Variants in SLC22A24 observed in about 807,000 individuals in gnomAD.
The protein encoded by SLC22A24 is steroid transmembrane transporter SLC22A24.
A neutral mutation model predicts 49.8 loss-of-function variants in SLC22A24; 53 were observed. That is an observed-to-expected ratio of 1.06 (90% CI 0.85 to 1.34). The LOEUF (loss-of-function observed/expected upper bound fraction) is 1.34, where lower values mean the gene tolerates loss of function less well. SLC22A24 is among the 40% of genes most tolerant of loss of function. The pLI, the probability that SLC22A24 is intolerant of heterozygous loss-of-function variation, is 0.00. For synonymous variants in SLC22A24, 302 were observed against 256.4 expected (o/e 1.18, Z -1.70); for missense variants, 786 against 675.9 (o/e 1.16, Z -1.81).
chr11:63,139,316 C>T (rs369665673), intron 1 of SLC22A24, among the ~76,000 whole-genome samples: 6 of 152,072 alleles, frequency 3.9e-5, no homozygotes, highest in African/African-American at 1.2e-4. Context: ...CTCATGAAAC[C>T]CCAGGAATTA....
chr11:63,104,274 C>G lies in SLC22A24; in HGVS notation c.855G>C (p.Trp285Cys), dbSNP rs779428039. 70 of 1,550,102 alleles carry G rather than the reference C, an allele frequency of 4.5e-5. No homozygotes were observed. Among genetic ancestry groups the G allele is most frequent in the Non-Finnish European group, 5.1e-5 (59 of 1,146,732 alleles). The change falls in exon 5 of 10, where the codon TGG (tryptophan) becomes TGC (cysteine). Residue 285 changes from tryptophan to cysteine, a missense_variant. Transcript: ENST00000612278. The part of the protein sequence containing the change: ...SSWKMVESAR[W>C]LIINNQLDEG... ...CATCTAGCTGATTGTTGATAATCAG[C>G]CACCGAGCAGACTCCACCATCTTCC...
intron 2 of SLC22A24, among the ~76,000 whole-genome samples, chr11:63,122,566 G>A (rs1590745122): frequency 6.6e-6 from 1 of 152,180 alleles, no homozygotes; most frequent in Non-Finnish European, 1.5e-5. Context: ...CCAGGCTGGA[G>A]TGCGGTGGTG....
At chr11:63,127,669 T>A (rs1398000465) in intron 2 of SLC22A24, among the ~76,000 whole-genome samples, 1 of 152,216 alleles carries the variant, frequency 6.6e-6, no homozygotes, top group Non-Finnish European at 1.5e-5. Flanking sequence ...ATCACTGCCA[T>A]TCTAGCTGGT....
intron 1 of SLC22A24, among the ~76,000 whole-genome samples, chr11:63,139,487 T>C (rs1239364062): frequency 6.6e-6 from 1 of 152,128 alleles, no homozygotes; most frequent in Admixed American, 6.6e-5. Flanking sequence ...TAATAGTAGT[T>C]ATGGAGGAAC....
chr11:63,118,365 A>G (rs1198970504), intron 4 of SLC22A24, among the ~76,000 whole-genome samples: 1 of 152,158 alleles, frequency 6.6e-6, no homozygotes, highest in African/African-American at 2.4e-5. Flanking sequence ...GTCTTTGGTT[A>G]ATTTTCAGAG....
rs1177727492 is a variant in SLC22A24 at position 63,081,578 on chromosome 11, C to T, written c.1374G>A (p.Glu458=). ...ASNSASVHHN[E]LVPTILRSTV... Reference sequence around the variant, plus strand: ...TGTACCTCAATATGGTGGGGACGAGCTCGTTGTGGTGGACAGAAGCACTGT... The same window carrying T: ...TGTACCTCAATATGGTGGGGACGAGTTCGTTGTGGTGGACAGAAGCACTGT... Residue 458 remains glutamate (E), a synonymous_variant, in exon 8 of 10, where the codon GAG becomes GAA. Transcript: ENST00000612278. The T allele has an allele frequency of 1.3e-6, 2 of 1,551,246 alleles. No individual in the cohort carries two copies. Among genetic ancestry groups the T allele is most frequent in the East Asian group, 2.4e-5 (1 of 40,928 alleles).
At chr11:63,100,967 T>C (rs1259713722) in intron 5 of SLC22A24, among the ~76,000 whole-genome samples, 1 of 152,072 alleles carries the variant, frequency 6.6e-6, no homozygotes, top group Non-Finnish European at 1.5e-5. Context: ...GGGGAAACTC[T>C]CCAGGTCATT....
chr11:63,084,700 T>C (rs949665205), intron 6 of SLC22A24, among the ~76,000 whole-genome samples: 3 of 152,056 alleles, frequency 2.0e-5, no homozygotes, highest in Admixed American at 2.0e-4. Context: ...TCTAGGTATG[T>C]AGAGTGTAGA....
intron 6 of SLC22A24, among the ~76,000 whole-genome samples, chr11:63,090,275 C>G (rs2087012199): frequency 6.6e-6 from 1 of 151,846 alleles, no homozygotes; most frequent in South Asian, 2.1e-4. Flanking sequence ...GACTTTAACA[C>G]CCCACTGTCA....
chr11:63,132,262 C>A (rs761183115), intron 2 of SLC22A24, among the ~76,000 whole-genome samples: 5 of 152,198 alleles, frequency 3.3e-5, no homozygotes, highest in African/African-American at 1.2e-4. Context: ...TTATTACCAA[C>A]CTTCTGAAGC....
chr11:63,086,355 A>T (rs993857908), intron 6 of SLC22A24, among the ~76,000 whole-genome samples: 34 of 152,346 alleles, frequency 2.2e-4, no homozygotes, highest in African/African-American at 8.2e-4. Flanking sequence ...CTATGCAGCC[A>T]TAAAGAGGAA....
intron 6 of SLC22A24, among the ~76,000 whole-genome samples, chr11:63,085,050 G>A (rs187442984): frequency 6.6e-6 from 1 of 152,058 alleles, no homozygotes; most frequent in Non-Finnish European, 1.5e-5. Context: ...AAGCTAAGAA[G>A]GGATTAGGTG....
At chr11:63,094,804 CT>C (rs1490458490) in intron 6 of SLC22A24, among the ~76,000 whole-genome samples, 6 of 152,196 alleles carry the variant, frequency 3.9e-5, no homozygotes, top group Admixed American at 1.3e-4. Context: ...TGTTCATATC[CT>C]TCACCCACTT....
chr11:63,113,779 A>C (rs2087192677), intron 4 of SLC22A24, among the ~76,000 whole-genome samples: 2 of 150,588 alleles, frequency 1.3e-5, no homozygotes, highest in Non-Finnish European at 2.9e-5. Flanking sequence ...ACTTGAACCC[A>C]GGAGGCAGAG....
At chr11:63,090,891 A>T (rs937000976) in intron 6 of SLC22A24, among the ~76,000 whole-genome samples, 70 of 152,188 alleles carry the variant, frequency 4.6e-4, no homozygotes, top group African/African-American at 1.6e-3. Flanking sequence ...AAGAGCAAAC[A>T]AATTCAAAAG....
intron 1 of SLC22A24, among the ~76,000 whole-genome samples, chr11:63,140,731 T>A (rs896688501): frequency 6.6e-6 from 1 of 152,008 alleles, no homozygotes; most frequent in African/African-American, 2.4e-5. Context: ...GAAATTGAGA[T>A]TACTGGAGAA....
At chr11:63,118,618 T>C (rs2087228252) in intron 4 of SLC22A24, 3 of 556,306 alleles carry the variant, frequency 5.4e-6, no homozygotes, top group Non-Finnish European at 9.5e-6. Flanking sequence ...CACATAATAT[T>C]CCAAAAGTTA....
At chr11:63,116,697 C>G (rs780188851) in intron 4 of SLC22A24, among the ~76,000 whole-genome samples, 2 of 152,008 alleles carry the variant, frequency 1.3e-5, no homozygotes, top group Non-Finnish European at 2.9e-5. Context: ...TTTTCTCAGC[C>G]CTCGCCTTCT....
intron 2 of SLC22A24, among the ~76,000 whole-genome samples, chr11:63,121,715 G>A (rs899237730): frequency 1.6e-4 from 24 of 151,914 alleles, no homozygotes; most frequent in African/African-American, 4.6e-4. Flanking sequence ...GTATACACGT[G>A]CCATGCTGGT....
Sources: gnomAD v4.1 joint callset for allele counts (sites outside exome capture counted in the v4.1 genomes callset) on GRCh38, gnomAD v4.1.1 for gene constraint, MANE v1.5 for transcripts, NCBI Gene and HGNC (gene_info 2026-07-23, HGNC 2026-07-21) for gene names.